The following ADAM19 variants were observed in gnomAD, a reference collection of about 807,000 sequenced individuals.
The protein encoded by ADAM19 is ADAM metallopeptidase domain 19.
ADAM19 carries 65 observed loss-of-function variants against 114.7 expected under a neutral mutation model. That is an observed-to-expected ratio of 0.57 (90% confidence interval 0.46 to 0.70). The LOEUF (loss-of-function observed/expected upper bound fraction) is 0.70, where lower values mean the gene tolerates loss of function less well. Among genes scored for constraint, ADAM19 ranks in the 30% least tolerant of loss-of-function variants. ADAM19 has a pLI of 0.00. For missense variants in ADAM19, 1,063 were observed against 1,204.7 expected, an observed-to-expected ratio of 0.88 and a Z score of 1.74; for synonymous variants, 466 against 460.5, an observed-to-expected ratio of 1.01 and a Z score of -0.15.
chr5:157,533,936 C>G (rs1208893321), intron 4 of ADAM19, among the ~76,000 whole-genome samples: 4 of 151,980 alleles, frequency 2.6e-5, no homozygotes, highest in Non-Finnish European at 5.9e-5. Flanking sequence ...CCACTGCACT[C>G]CAGCCTGGTG....
intron 21 of ADAM19, 142 bp from the exon 22 acceptor site, chr5:157,482,085 G>A: frequency 1.5e-6 from 1 of 688,088 alleles, no homozygotes; most frequent in Non-Finnish European, 2.4e-6. Flanking sequence ...TATGTATAAT[G>A]TGTTTATATT....
chr5:157,497,570 T>TACACACACACACAC (rs5872512), intron 13 of ADAM19, among the ~76,000 whole-genome samples: 17 of 116,758 alleles, frequency 1.5e-4, no homozygotes, highest in African/African-American at 6.2e-4. Flanking sequence ...GGCCCACTAA[T>TACACACACACACAC]ACACACACAC....
chr5:157,539,592 A>T (rs933603480), intron 3 of ADAM19, among the ~76,000 whole-genome samples: 20 of 152,334 alleles, frequency 1.3e-4, no homozygotes, highest in African/African-American at 4.8e-4. Context: ...CTTGGACAAG[A>T]AGAAAAGAAG....
intron 3 of ADAM19, among the ~76,000 whole-genome samples, chr5:157,543,243 C>T (rs1230624984): frequency 6.6e-6 from 1 of 152,174 alleles, no homozygotes; most frequent in Non-Finnish European, 1.5e-5. Context: ...GAAGTGCTCA[C>T]TATGTATTTG....
chr5:157,513,332 C>T, intron 8 of ADAM19, 102 bp downstream of exon 8: 1 of 1,182,082 alleles, frequency 8.5e-7, no homozygotes, highest in Non-Finnish European at 1.3e-6. Flanking sequence ...CATTCCCTTT[C>T]AGAAGATGGC....
Position 157,497,142 on chromosome 5 carries a change from C to T in ADAM19, c.1399-53G>A, listed in dbSNP as rs965001290. On this transcript the variant is annotated intron_variant, in intron 13 of 22. Transcript: ENST00000257527. ...AGTCAATCTCCTCCCCACCCTCAAC[C>T]CTGTTGCCCAAGGGCTCATAAGGAT... is the stretch of plus-strand genomic sequence containing the variant. The T allele has an allele frequency of 2.8e-6, 4 of 1,419,892 alleles. No homozygotes were observed. The African/African-American group carries it at 4.5e-5, about 16-fold the overall frequency. The allele number at this position is 1,419,892 out of a possible 1,614,324, so 88.0% of individuals were successfully genotyped here. A position where few individuals can be genotyped will look rare whatever the true frequency, so the allele number is the denominator to read the frequency against.
chr5:157,533,911 T>C (rs886209726), intron 4 of ADAM19, among the ~76,000 whole-genome samples: 1 of 151,946 alleles, frequency 6.6e-6, no homozygotes, highest in African/African-American at 2.4e-5. Flanking sequence ...GAGGTTGCAG[T>C]GAGCCGAGAT....
chr5:157,539,374 A>G (rs534595789), intron 3 of ADAM19, among the ~76,000 whole-genome samples: 50 of 152,316 alleles, frequency 3.3e-4, no homozygotes, highest in African/African-American at 1.1e-3. Flanking sequence ...AAGCCAAAGG[A>G]ATCTGCAGGG....
chr5:157,551,473 G>C (rs994377605), intron 3 of ADAM19, among the ~76,000 whole-genome samples: 3 of 133,272 alleles, frequency 2.3e-5, no homozygotes, highest in African/African-American at 8.4e-5. Context: ...ACTGCAACAA[G>C]AAAACATTGG....
In ADAM19 at chr5:157,478,798, C is replaced by T. The variant is rs1754667690; in HGVS notation, c.*2151G>A. The T allele has an allele frequency of 4.1e-6, 4 of 985,874 alleles. No individual in the cohort carries two copies. Among genetic ancestry groups the T allele is most frequent in the Non-Finnish European group, 4.8e-6 (4 of 829,970 alleles). The allele number at this position is 985,874 out of a possible 1,614,324, so 61.1% of individuals were successfully genotyped here. On this transcript the variant is annotated 3_prime_UTR_variant, in exon 23 of 23. Transcript: ENST00000257527. ...AAAACAAAAAGCAAGAAAACGACAA[C>T]CCAGGTCTCTTTCTGGTGTGGTTCC...
chr5:157,504,703 G>A (rs1052858574), intron 11 of ADAM19, among the ~76,000 whole-genome samples: 1 of 152,272 alleles, frequency 6.6e-6, no homozygotes, highest in African/African-American at 2.4e-5. Context: ...GGAACACAAG[G>A]TCCCAACGTG....
chr5:157,562,625 A>T (rs1757538204), intron 3 of ADAM19, among the ~76,000 whole-genome samples: 1 of 152,208 alleles, frequency 6.6e-6, no homozygotes, highest in South Asian at 2.1e-4. Context: ...GACTCACACC[A>T]AGAATACACA....
intron 16 of ADAM19, 130 bp downstream of exon 16, chr5:157,492,843 A>G (rs1269644480): frequency 1.1e-6 from 1 of 937,590 alleles, no homozygotes; most frequent in East Asian, 2.5e-5. Context: ...TACACGCTTC[A>G]TGAAGGGAGC....
At chr5:157,542,176 G>C (rs141767602) in intron 3 of ADAM19, among the ~76,000 whole-genome samples, 27 of 151,862 alleles carry the variant, frequency 1.8e-4, no homozygotes, top group African/African-American at 6.5e-4. Flanking sequence ...CCCAACAACT[G>C]CACAACACCT....
chr5:157,481,878 G>C lies in ADAM19; in HGVS notation c.2616C>G (p.Ser872Arg). The C allele has an allele frequency of 6.3e-7, 1 of 1,599,214 alleles. No homozygotes were observed. Among genetic ancestry groups the C allele is most frequent in the Non-Finnish European group, 8.5e-7 (1 of 1,172,756 alleles). Residue 872 changes from serine (S) to arginine (R), a missense_variant, in exon 22 of 23, where the codon AGC (serine) becomes AGG (arginine). Coordinates refer to ENST00000257527, the MANE Select transcript of ADAM19 (RefSeq NM_033274.5). ...LPANPVPGRRSLPRPGGASPL... is the reference protein window; with the variant it reads ...LPANPVPGRRRLPRPGGASPL... ...GGGATGCACCTCCTGGCCTGGGGAG[G>C]CTCCTGCGGCCTGGCACTGGGTTTG...
In ADAM19 at chr5:157,477,651, A is replaced by G. The variant is rs1270430138; in HGVS notation, c.*3298T>C. ...GTTCCCATGGCTTTCTTGGGTGTCC[A>G]GCAGAGCTGTTATACACGTGGTTAA... On this transcript the variant is annotated 3_prime_UTR_variant, in exon 23 of 23. Transcript: ENST00000257527. 2 of 1,289,284 alleles carry G rather than the reference A, an allele frequency of 1.6e-6. No individual in the cohort carries two copies. The highest frequency in any genetic ancestry group is 2.3e-5 in the Admixed American group (1 of 43,500). The allele number at this position is 1,289,284 out of a possible 1,614,324, so 79.9% of individuals were successfully genotyped here. A position where few individuals can be genotyped will look rare whatever the true frequency, so the allele number is the denominator to read the frequency against.
Position 157,564,361 on chromosome 5 carries a change from G to A in ADAM19, c.251+12C>T. The A allele has an allele frequency of 6.2e-7, 1 of 1,612,508 alleles. No homozygotes were observed. The highest frequency in any genetic ancestry group is 8.5e-7 in the Non-Finnish European group (1 of 1,178,532). The stretch of plus-strand genomic sequence containing the variant: ...ATTTGTTTCATTTTAGACAAAGGAG[G>A]AGTCCACTTACTCATTCTTCTCCAG... On this transcript the variant is annotated intron_variant, in intron 3 of 22. Transcript: ENST00000257527.
At chr5:157,497,829 C>T (rs1581300966) in intron 13 of ADAM19, among the ~76,000 whole-genome samples, 1 of 152,170 alleles carries the variant, frequency 6.6e-6, no homozygotes, top group Non-Finnish European at 1.5e-5. Context: ...CCTGGGTAGT[C>T]GGTGTTACTA....
intron 19 of ADAM19, 56 bp downstream of exon 19, chr5:157,490,254 G>A: frequency 6.3e-7 from 1 of 1,597,216 alleles, no homozygotes. Flanking sequence ...TACCATTTAT[G>A]GAGACCTTTG....
Sources: gnomAD v4.1 joint callset for allele counts (sites outside exome capture counted in the v4.1 genomes callset) on GRCh38, gnomAD v4.1.1 for gene constraint, MANE v1.5 for transcripts, NCBI Gene and HGNC (gene_info 2026-07-23, HGNC 2026-07-21) for gene names.